The following KHDRBS2 variants were observed in gnomAD, a reference collection of about 807,000 sequenced individuals.
KHDRBS2 encodes KH domain-containing, RNA-binding, signal transduction-associated protein 2.
In KHDRBS2, 26 loss-of-function variants were observed where a neutral mutation model predicts 44.3. The observed-to-expected ratio is 0.59, with a 90% CI of 0.43 to 0.81. The LOEUF (loss-of-function observed/expected upper bound fraction) is 0.81, where lower values mean the gene tolerates loss of function less well. Among genes scored for constraint, KHDRBS2 ranks in the 40% least tolerant of loss-of-function variants. KHDRBS2 has a pLI of 0.00. For missense variants in KHDRBS2, 476 were observed against 433.1 expected, an observed-to-expected ratio of 1.10 and a Z score of -0.88; for synonymous variants, 194 against 151.1, an observed-to-expected ratio of 1.28 and a Z score of -2.08.
intron 1 of KHDRBS2, among the ~76,000 whole-genome samples, chr6:62,230,983 C>T (rs1458154594): frequency 6.6e-6 from 1 of 152,140 alleles, no homozygotes; most frequent in Admixed American, 6.5e-5. Context: ...TGGTTAAGTA[C>T]TAAGTTTGAA....
intron 7 of KHDRBS2, among the ~76,000 whole-genome samples, chr6:61,713,612 G>T (rs1301011837): frequency 6.8e-6 from 1 of 146,980 alleles, no homozygotes; most frequent in African/African-American, 2.5e-5. Context: ...GGATTGCTTT[G>T]GCTTTTCAGG....
chr6:61,725,947 A>G (rs529846517), intron 7 of KHDRBS2, among the ~76,000 whole-genome samples: 86 of 152,200 alleles, frequency 5.7e-4, no homozygotes, highest in South Asian at 1.0e-3. Flanking sequence ...AACTCCTTCT[A>G]TGAGGCTGGC....
In KHDRBS2 at chr6:61,938,752, T is replaced by C. The variant is rs1429905740; in HGVS notation, c.484-37381A>G. ...CCTTTTGTCCACAAAAGGTTTGGTG[T>C]CTCTTTGAGAAAATCCAGAAGAAAA... On this transcript the variant is annotated intron_variant, in intron 4 of 8. Transcript: ENST00000281156. 3.9e-5 allele frequency among the ~76,000 whole-genome samples: 6 copies of C among 152,098 alleles called. No homozygotes were observed. The East Asian group carries it at 7.7e-4, about 20-fold the overall frequency.
intron 1 of KHDRBS2, among the ~76,000 whole-genome samples, chr6:62,213,749 C>T (rs1304088425): frequency 6.6e-6 from 1 of 151,392 alleles, no homozygotes; most frequent in African/African-American, 2.4e-5. Flanking sequence ...TGGTGGACAC[C>T]CGTAGTCCCA....
chr6:61,561,479 G>A, the KHDRBS2 span, among the ~76,000 whole-genome samples: 1 of 152,158 alleles, frequency 6.6e-6, no homozygotes, highest in Non-Finnish European at 1.5e-5. Flanking sequence ...TGCTGTCTGG[G>A]AGCCAGGACC....
intron 4 of KHDRBS2, among the ~76,000 whole-genome samples, chr6:61,933,884 C>A (rs1810543563): frequency 6.6e-6 from 1 of 152,088 alleles, no homozygotes; most frequent in African/African-American, 2.4e-5. Context: ...ATATTATTTG[C>A]CATAAGGACT....
At chr6:61,547,040 G>T in the KHDRBS2 span, among the ~76,000 whole-genome samples, 1 of 151,994 alleles carries the variant, frequency 6.6e-6, no homozygotes, top group Non-Finnish European at 1.5e-5. Context: ...CACTCACTCA[G>T]ATTAGGGCAA....
At chr6:61,933,907 A>G (rs1212465360) in intron 4 of KHDRBS2, among the ~76,000 whole-genome samples, 1 of 152,130 alleles carries the variant, frequency 6.6e-6, no homozygotes, top group Non-Finnish European at 1.5e-5. Context: ...ACTAATTTAC[A>G]TTTCTACCAA....
intron 2 of KHDRBS2, among the ~76,000 whole-genome samples, chr6:62,099,460 G>A (rs1297739952): frequency 6.6e-6 from 1 of 152,132 alleles, no homozygotes. Flanking sequence ...TCCTCGGTTG[G>A]TGTGTTGTTC....
intron 7 of KHDRBS2, among the ~76,000 whole-genome samples, chr6:61,704,065 T>C (rs1456689144): frequency 2.6e-5 from 4 of 151,916 alleles, no homozygotes; most frequent in African/African-American, 7.2e-5. Flanking sequence ...CATTTGTCTA[T>C]TCCTTCTAGA....
At chr6:62,033,310 C>A (rs572223808) in intron 3 of KHDRBS2, among the ~76,000 whole-genome samples, 2 of 151,936 alleles carry the variant, frequency 1.3e-5, no homozygotes, top group Non-Finnish European at 2.9e-5. Context: ...AGCATTATAA[C>A]AGAGAATTTT....
At chr6:62,091,816 A>G (rs1799544312) in intron 2 of KHDRBS2, among the ~76,000 whole-genome samples, 1 of 152,182 alleles carries the variant, frequency 6.6e-6, no homozygotes, top group African/African-American at 2.4e-5. Flanking sequence ...TTGTTTGTTG[A>G]ACTATAAAGC....
chr6:61,893,423 T>C (rs1400331387), intron 6 of KHDRBS2, among the ~76,000 whole-genome samples: 3 of 152,136 alleles, frequency 2.0e-5, no homozygotes, highest in South Asian at 2.1e-4. Flanking sequence ...GGTTATAAAG[T>C]ATGCTGCTAT....
chr6:61,921,656 A>T (rs1483086255), intron 4 of KHDRBS2, among the ~76,000 whole-genome samples: 2 of 151,986 alleles, frequency 1.3e-5, no homozygotes, highest in South Asian at 2.1e-4. Flanking sequence ...AACCAATGAG[A>T]CAGAACTCAT....
intron 2 of KHDRBS2, among the ~76,000 whole-genome samples, chr6:62,119,049 C>A (rs539984418): frequency 6.6e-6 from 1 of 152,050 alleles, no homozygotes; most frequent in Non-Finnish European, 1.5e-5. Context: ...GATTTTGGTA[C>A]CAGAAGTGGT....
the KHDRBS2 span, among the ~76,000 whole-genome samples, chr6:61,580,704 T>C: frequency 0.61 from 92,999 of 151,272 alleles, 28,760 homozygotes; most frequent in Non-Finnish European, 0.65. Flanking sequence ...GACACACCAC[T>C]GTTAAGAGCT....
chr6:62,188,534 A>C (rs1199725288), intron 1 of KHDRBS2, among the ~76,000 whole-genome samples: 1 of 152,182 alleles, frequency 6.6e-6, no homozygotes, highest in Non-Finnish European at 1.5e-5. Context: ...AGTGATGTTT[A>C]GATAAGCGTG....
chr6:61,978,610 T>C (rs1157488911), intron 3 of KHDRBS2, among the ~76,000 whole-genome samples: 1 of 152,102 alleles, frequency 6.6e-6, no homozygotes, highest in African/African-American at 2.4e-5. Flanking sequence ...CACTGTGTTC[T>C]TTAAGAAAAC....
intron 2 of KHDRBS2, among the ~76,000 whole-genome samples, chr6:62,099,010 G>A (rs1801261807): frequency 1.3e-5 from 2 of 151,970 alleles, no homozygotes; most frequent in South Asian, 4.1e-4. Flanking sequence ...TAAACTCTTT[G>A]TTCAGGTTTT....
Sources: allele counts gnomAD v4.1 joint callset (sites outside exome capture counted in the v4.1 genomes callset), GRCh38; gene constraint gnomAD v4.1.1; transcripts MANE v1.5; gene names NCBI Gene and HGNC (gene_info 2026-07-23, HGNC 2026-07-21).